Variants in TEDC1 observed in about 807,000 individuals in gnomAD.
TEDC1 encodes tubulin epsilon and delta complex 1.
A neutral mutation model predicts 59.9 loss-of-function variants in TEDC1; 54 were observed. The observed-to-expected ratio is 0.90, with a 90% CI of 0.72 to 1.13. The LOEUF (loss-of-function observed/expected upper bound fraction) is 1.13. Ranked by LOEUF, TEDC1 falls within the 50% of genes most tolerant of loss-of-function variation. The probability of loss-of-function intolerance (pLI) is 0.00; values close to 1 mark genes in which losing one functional copy is unlikely to be tolerated. For missense variants in TEDC1, 734 were observed against 683.4 expected, an observed-to-expected ratio of 1.07 and a Z score of -0.83; for synonymous variants, 353 against 298.1, an observed-to-expected ratio of 1.18 and a Z score of -1.90.
chr14:105,496,021 G>C lies in TEDC1; in HGVS notation c.826G>C (p.Asp276His), dbSNP rs2084336957. 1 of 1,550,112 alleles carries C rather than the reference G, an allele frequency of 6.5e-7. No individual in the cohort carries two copies. ...VCEQPGLLPG[D>H]WAAPLDPGGA... ...TGAGCAGCCAGGTCTGCTGCCGGGT[G>C]ACTGGGCAGCACCCTTGGATCCTGG... The change falls in exon 6 of 9, where the codon GAC becomes CAC. Residue 276 changes from aspartate (D) to histidine (H), a missense_variant. Asp to His is a moderately conservative substitution (Grantham distance 81). Transcript: ENST00000392523.
intron 5 of TEDC1, 78 bp from the exon 6 acceptor site, chr14:105,495,802 G>T (rs587601200): frequency 1.7e-6 from 2 of 1,207,390 alleles, no homozygotes; most frequent in Non-Finnish European, 1.1e-6. Flanking sequence ...GGGCCTGGAA[G>T]TGAGGCCCCG....
At chr14:105,496,471 C>T (rs1178118852) in intron 6 of TEDC1, 5 of 215,954 alleles carry the variant, frequency 2.3e-5, no homozygotes, top group African/African-American at 9.3e-5. Context: ...GCCCCCCAGC[C>T]CACTGCTGGA....
upstream of TEDC1, chr14:105,491,078 C>T: frequency 7.7e-6 from 12 of 1,551,402 alleles, no homozygotes; most frequent in South Asian, 1.2e-5. Context: ...GAAGGCGGGA[C>T]CCTGCCGACG....
rs1555440803 is a variant in TEDC1, at chr14:105,497,896, C to A, written c.1077C>A (p.Asp359Glu). Residue 359 changes from aspartate (D) to glutamate (E), a missense_variant, in exon 8 of 9, where the codon GAC (aspartate) becomes GAA (glutamate). Transcript: ENST00000392523. The stretch of plus-strand genomic sequence containing the variant: ...CCGAGCGCGGGGGTGGCGAGTTGGA[C>A]CTGGTAGTGCGGGAGCTGCAGGCAC... ...WVPERGGGEL[D>E]LVVRELQALE... 13 of 1,556,014 alleles carry A rather than the reference C, an allele frequency of 8.4e-6. No individual in the cohort carries two copies. The highest frequency in any genetic ancestry group is 1.1e-5 in the Non-Finnish European group (13 of 1,150,058).
intron 5 of TEDC1, 48 bp downstream of exon 5, chr14:105,493,981 C>T (rs199611581): frequency 0.023 from 10,677 of 456,758 alleles, 291 homozygotes; most frequent in African/African-American, 0.093. Flanking sequence ...GGCTGGGGGG[C>T]ACAGCAGGGG....
chr14:105,495,743 T>C (rs1360558210), intron 5 of TEDC1, 137 bp from the exon 6 acceptor site: 1 of 725,634 alleles, frequency 1.4e-6, no homozygotes, highest in African/African-American at 1.8e-5. Flanking sequence ...GGCCCCAGGC[T>C]GCTCCTGCCC....
chr14:105,496,864 T>A (rs2084358176), intron 6 of TEDC1: 1 of 203,788 alleles, frequency 4.9e-6, no homozygotes, highest in African/African-American at 2.4e-5. Context: ...AGGGGGTCCC[T>A]GAAGTTACAG....
chr14:105,495,879 G>T lies in TEDC1; in HGVS notation c.685-1G>T, dbSNP rs781784627. ...GGGGCCATGGCTGGCTTCCTTCCAA[G>T]GTTTCTGGAGCGGGAGCTGCCCAAA... On this transcript the variant is annotated splice_acceptor_variant, in intron 5 of 8. Coordinates refer to ENST00000392523, the MANE Select transcript of TEDC1 (RefSeq NM_001367178.1). LOFTEE classifies it high-confidence loss of function. 1.9e-6 allele frequency: 3 copies of T among 1,548,726 alleles called. No homozygotes were observed. In the South Asian group the frequency reaches 3.6e-5, roughly 18 times the overall value.
Position 105,496,072 on chromosome 14 carries a change from T to A in TEDC1, c.877T>A (p.Ser293Thr). ...TGGGGCCTCAGCCTGCAGCCTGCTC[T>A]CCCCTTTTAGGGCGGTAAGTCGGGG... is the stretch of plus-strand genomic sequence containing the variant. ...PGGASACSLL[S>T]PFRALLRTLE... Residue 293 changes from serine (S) to threonine (T), a missense_variant, in exon 6 of 9, where the codon TCC becomes ACC. Ser to Thr is a moderately conservative substitution (Grantham distance 58). Coordinates refer to ENST00000392523, the MANE Select transcript of TEDC1 (RefSeq NM_001367178.1). The A allele has an allele frequency of 1.4e-6, 2 of 1,444,854 alleles. No homozygotes were observed. The highest frequency in any genetic ancestry group is 1.8e-6 in the Non-Finnish European group (2 of 1,085,458). 89.5% of individuals were successfully genotyped at this position (1,444,854 alleles called of 1,614,324 possible). A position where few individuals can be genotyped will look rare whatever the true frequency, so the allele number is the denominator to read the frequency against.
intron 4 of TEDC1, 85 bp from the exon 5 acceptor site, chr14:105,493,750 C>A: frequency 2.1e-6 from 2 of 962,092 alleles, no homozygotes; most frequent in Admixed American, 2.0e-5. Flanking sequence ...GCTCTGATGG[C>A]CGACCTCCCT....
chr14:105,497,279 TG>T, intron 6 of TEDC1, 77 bp from the exon 7 acceptor site: 1 of 1,403,676 alleles, frequency 7.1e-7, no homozygotes. Context: ...GTGTCGGCGC[TG>T]GGTCCAGCTG....
In TEDC1 at chr14:105,496,014, G is replaced by A; in HGVS notation, c.819G>A (p.Leu273=). 6.5e-7 allele frequency: 1 copy of A among 1,550,202 alleles called. No homozygotes were observed. Among genetic ancestry groups the A allele is most frequent in the Non-Finnish European group, 8.7e-7 (1 of 1,146,908 alleles). ...TGGTATGTGAGCAGCCAGGTCTGCT[G>A]CCGGGTGACTGGGCAGCACCCTTGG... The part of the protein sequence containing the change: ...LWLVCEQPGL[L]PGDWAAPLDP... The change falls in exon 6 of 9, where the codon CTG becomes CTA. Residue 273 remains leucine (L), a synonymous_variant. Transcript: ENST00000392523.
At position 105,492,312 on chromosome 14, in the gene TEDC1, G is replaced by A. The variant is rs782132996; in HGVS notation, c.429+3G>A. Reference sequence around the variant, plus strand: ...GTGACGAGATGACTGTGTGCCAGGTGCGTGTGGGTGAGGGTGAGCTGAGCC... The same window carrying A: ...GTGACGAGATGACTGTGTGCCAGGTACGTGTGGGTGAGGGTGAGCTGAGCC... On this transcript the variant is annotated splice_donor_region_variant and intron_variant, in intron 3 of 8. Transcript: ENST00000392523. The A allele has an allele frequency of 3.1e-6, 5 of 1,601,662 alleles. No homozygotes were observed. The South Asian group carries it at 4.4e-5, about 14-fold the overall frequency.
intron 5 of TEDC1, chr14:105,494,617 C>G (rs1486176324): frequency 6.6e-6 from 1 of 152,624 alleles, no homozygotes; most frequent in East Asian, 1.9e-4. Flanking sequence ...TGCCTCTGAG[C>G]CCCAGGTGGC....
upstream of TEDC1, chr14:105,491,001 TGGGTCCGCAC>T: frequency 6.5e-7 from 1 of 1,545,198 alleles, no homozygotes; most frequent in African/African-American, 1.4e-5. Context: ...AGCCCGGAAG[TGGGTCCGCAC>T]GAGACAGAAT....
chr14:105,491,823 C>A (rs1318236145), intron 2 of TEDC1, 123 bp downstream of exon 2: 42 of 1,193,498 alleles, frequency 3.5e-5, no homozygotes, highest in Middle Eastern at 5.5e-4. Flanking sequence ...ACTGACCCCG[C>A]TTGCTCCTCA....
upstream of TEDC1, chr14:105,490,332 T>TCGCAGC (rs2084179920): frequency 2.0e-5 from 3 of 152,362 alleles, no homozygotes; most frequent in Admixed American, 2.0e-4. Flanking sequence ...CCCGCCGTCC[T>TCGCAGC]CGCAGCCCCG....
upstream of TEDC1, chr14:105,491,115 C>T (rs2141780985): frequency 6.4e-7 from 1 of 1,551,042 alleles, no homozygotes; most frequent in East Asian, 2.4e-5. Flanking sequence ...GTCCGGCCAG[C>T]GCGGTGATTG....
rs79500692 is a variant in TEDC1, at chr14:105,498,257, C to T, written c.1158+280C>T. On this transcript the variant is annotated intron_variant, in intron 8 of 8. Coordinates refer to ENST00000392523, the MANE Select transcript of TEDC1 (RefSeq NM_001367178.1). ...GTGGGCCCTGCTGCTCCCATGCGTC[C>T]GCCACACATGCATCACACGGTAGTA... 6.7e-3 allele frequency among the ~76,000 whole-genome samples: 1,021 copies of T among 152,250 alleles called. 30 individuals carry two copies. In the East Asian group the frequency reaches 0.088, roughly 13 times the overall value.
Sources: allele counts gnomAD v4.1 joint callset (sites outside exome capture counted in the v4.1 genomes callset), GRCh38; gene constraint gnomAD v4.1.1; transcripts MANE v1.5; gene names NCBI Gene and HGNC (gene_info 2026-07-23, HGNC 2026-07-21).